KCNIP4: variants seen among roughly 807,000 people sequenced by gnomAD.
KCNIP4 encodes Kv channel-interacting protein 4.
In KCNIP4, 12 loss-of-function variants were observed where a neutral mutation model predicts 34.0. That is an observed-to-expected ratio of 0.35 (90% CI 0.23 to 0.57). KCNIP4 has a LOEUF of 0.57. Among genes scored for constraint, KCNIP4 ranks in the 20% least tolerant of loss-of-function variants. The pLI, the probability that KCNIP4 is intolerant of heterozygous loss-of-function variation, is 0.83. For synonymous variants in KCNIP4, 124 were observed against 102.2 expected (o/e 1.21, Z -1.29); for missense variants, 238 against 311.7 (o/e 0.76, Z 1.78).
At chr4:21,371,800 C>A (rs1392827270) in intron 1 of KCNIP4, among the ~76,000 whole-genome samples, 1 of 147,018 alleles carries the variant, frequency 6.8e-6, no homozygotes, top group African/African-American at 2.7e-5. Context: ...CTCTAATATT[C>A]AAATTCATCA....
At chr4:21,638,259 C>T (rs1020711646) in intron 1 of KCNIP4, among the ~76,000 whole-genome samples, 9 of 152,130 alleles carry the variant, frequency 5.9e-5, no homozygotes, top group African/African-American at 2.2e-4. Flanking sequence ...GATTCATCAG[C>T]AGCCTAAGAG....
At chr4:21,520,049 A>G (rs1735394018) in intron 1 of KCNIP4, among the ~76,000 whole-genome samples, 1 of 151,806 alleles carries the variant, frequency 6.6e-6, no homozygotes, top group African/African-American at 2.4e-5. Context: ...AGCGCAGGAG[A>G]AGGATGTAGG....
intron 1 of KCNIP4, among the ~76,000 whole-genome samples, chr4:21,493,793 C>G (rs561839982): frequency 6.6e-6 from 1 of 152,160 alleles, no homozygotes. Flanking sequence ...ATAAGAAATT[C>G]CATTCCACAA....
intron 3 of KCNIP4, among the ~76,000 whole-genome samples, chr4:20,807,495 TA>T (rs149656469): frequency 2.6e-5 from 4 of 151,070 alleles, no homozygotes; most frequent in South Asian, 2.1e-4. Context: ...TTTTAATTGT[TA>T]AAAAAAAAGA....
At position 20,890,311 on chromosome 4, in the gene KCNIP4, G is replaced by A. The variant is rs79280855; in HGVS notation, c.62-7602C>T. On this transcript the variant is annotated intron_variant, in intron 1 of 8. Coordinates refer to ENST00000382152, the MANE Select transcript of KCNIP4 (RefSeq NM_025221.6). The stretch of plus-strand genomic sequence containing the variant: ...ATATCAGATATGAAGGAGGGATGGG[G>A]CCTAGAGACTTCTGTTGGTGGATAT... Among the ~76,000 whole-genome samples the A allele has an allele frequency of 0.015, 2,289 of 152,234 alleles. 164 individuals carry two copies. In the East Asian group the frequency reaches 0.22, roughly 15 times the overall value.
chr4:21,887,988 A>T (rs1726879941), intron 1 of KCNIP4, among the ~76,000 whole-genome samples: 1 of 151,716 alleles, frequency 6.6e-6, no homozygotes. Context: ...GATAGTTCAT[A>T]TTTATGTAAC....
At chr4:21,728,910 T>C (rs1452277283) in intron 1 of KCNIP4, among the ~76,000 whole-genome samples, 1 of 152,172 alleles carries the variant, frequency 6.6e-6, no homozygotes, top group Non-Finnish European at 1.5e-5. Context: ...ATTCTTCTCT[T>C]TCCCTTCTTT....
At chr4:21,545,570 T>C (rs531531383) in intron 1 of KCNIP4, among the ~76,000 whole-genome samples, 2 of 152,250 alleles carry the variant, frequency 1.3e-5, no homozygotes, top group East Asian at 3.9e-4. Context: ...GTGAGAGATA[T>C]TCCCCTCCCT....
chr4:21,728,800 G>A (rs1417811203), intron 1 of KCNIP4, among the ~76,000 whole-genome samples: 1 of 152,070 alleles, frequency 6.6e-6, no homozygotes, highest in African/African-American at 2.4e-5. Flanking sequence ...AGATCTCTAT[G>A]TCTCATTGTC....
chr4:21,907,465 C>A (rs1469735346), intron 1 of KCNIP4, among the ~76,000 whole-genome samples: 1 of 152,112 alleles, frequency 6.6e-6, no homozygotes, highest in Non-Finnish European at 1.5e-5. Context: ...AATTATCCAG[C>A]CTCAGGTATT....
chr4:21,031,447 T>A (rs1741017002), intron 1 of KCNIP4, among the ~76,000 whole-genome samples: 1 of 152,220 alleles, frequency 6.6e-6, no homozygotes, highest in African/African-American at 2.4e-5. Flanking sequence ...GTTGCTTCTA[T>A]TGTTTGATTG....
chr4:21,059,118 C>T (rs748577171), intron 1 of KCNIP4, among the ~76,000 whole-genome samples: 13 of 152,014 alleles, frequency 8.6e-5, no homozygotes, highest in South Asian at 2.1e-4. Context: ...GGAACTGAGC[C>T]GATTAAACCT....
At chr4:21,781,700 A>G (rs530605083) in intron 1 of KCNIP4, among the ~76,000 whole-genome samples, 13 of 152,256 alleles carry the variant, frequency 8.5e-5, no homozygotes, top group African/African-American at 2.6e-4. Context: ...CCTCCTCTTG[A>G]ATTTTTAATT....
chr4:21,738,863 A>G (rs753290111), intron 1 of KCNIP4, among the ~76,000 whole-genome samples: 2 of 152,204 alleles, frequency 1.3e-5, no homozygotes, highest in Non-Finnish European at 2.9e-5. Flanking sequence ...ATAGACATAC[A>G]TGATGATCTA....
intron 1 of KCNIP4, among the ~76,000 whole-genome samples, chr4:21,485,378 T>G (rs1731812260): frequency 1.3e-5 from 2 of 152,152 alleles, no homozygotes; most frequent in African/African-American, 4.8e-5. Flanking sequence ...TGTCTATGTC[T>G]CTAAATTTAT....
At chr4:21,488,624 A>T (rs1217727395) in intron 1 of KCNIP4, among the ~76,000 whole-genome samples, 1 of 152,182 alleles carries the variant, frequency 6.6e-6, no homozygotes, top group Non-Finnish European at 1.5e-5. Context: ...TATTTAGATT[A>T]GTAAGCTATA....
chr4:20,873,839 C>A (rs1220718123), intron 2 of KCNIP4, among the ~76,000 whole-genome samples: 1 of 152,206 alleles, frequency 6.6e-6, no homozygotes, highest in Non-Finnish European at 1.5e-5. Context: ...ACTTTGCTGG[C>A]TGCTTCTCTT....
At chr4:21,699,517 G>T (rs1275729082) in intron 1 of KCNIP4, among the ~76,000 whole-genome samples, 1 of 152,174 alleles carries the variant, frequency 6.6e-6, no homozygotes, top group Non-Finnish European at 1.5e-5. Context: ...CAGGAAAGAG[G>T]TCTCTAAGAA....
At chr4:21,741,792 A>G (rs952709868) in intron 1 of KCNIP4, among the ~76,000 whole-genome samples, 1 of 152,090 alleles carries the variant, frequency 6.6e-6, no homozygotes, top group Non-Finnish European at 1.5e-5. Context: ...TAATCCCAGC[A>G]CTTCGGGAAG....
Sources: allele counts gnomAD v4.1 joint callset (sites outside exome capture counted in the v4.1 genomes callset), GRCh38; gene constraint gnomAD v4.1.1; transcripts MANE v1.5; gene names NCBI Gene and HGNC (gene_info 2026-07-23, HGNC 2026-07-21).